Variants in TBL1X observed in about 807,000 individuals in gnomAD.
The protein encoded by TBL1X is F-box-like/WD repeat-containing protein TBL1X.
Under a neutral mutation model 50.7 loss-of-function variants are expected in TBL1X, and 10 were observed. The observed-to-expected ratio is 0.20, with a 90% CI of 0.12 to 0.33. The LOEUF (loss-of-function observed/expected upper bound fraction) is 0.33, where lower values mean the gene tolerates loss of function less well. TBL1X is among the 10% of genes least tolerant of loss of function. The probability of loss-of-function intolerance (pLI) is 1.00; values close to 1 mark genes in which losing one functional copy is unlikely to be tolerated. For missense variants in TBL1X, 340 were observed against 504.4 expected (o/e 0.67, Z 3.12); for synonymous variants, 190 against 214.7 (o/e 0.88, Z 1.01).
chrX:9,483,559 CAA>C (rs1025699744), intron 1 of TBL1X, among the ~76,000 whole-genome samples: 7 of 111,522 alleles, frequency 6.3e-5, no homozygotes, highest in African/African-American at 2.3e-4. Flanking sequence ...CTCCCCCCAA[CAA>C]GAGCTGACCC....
chrX:9,480,581 T>G, intron 1 of TBL1X, among the ~76,000 whole-genome samples: 1 of 111,957 alleles, frequency 8.9e-6, no homozygotes, highest in Admixed American at 9.5e-5. Flanking sequence ...TTGTCCTGTT[T>G]GGAAAGTTGA....
At chrX:9,504,415 C>G (rs138360734) in intron 2 of TBL1X, among the ~76,000 whole-genome samples, 2,572 of 112,035 alleles carry the variant, frequency 0.023, 69 homozygotes, top group African/African-American at 0.078. Context: ...TACAACATCT[C>G]TCCATCAAGG....
intron 1 of TBL1X, among the ~76,000 whole-genome samples, chrX:9,482,198 A>T (rs1379384537): frequency 8.9e-6 from 1 of 112,280 alleles, no homozygotes; most frequent in African/African-American, 3.2e-5. Context: ...AATTGCTACT[A>T]CCTCTTTCCT....
chrX:9,649,513 A>G (rs1183969082), intron 3 of TBL1X, among the ~76,000 whole-genome samples: 1 of 112,474 alleles, frequency 8.9e-6, no homozygotes, highest in East Asian at 2.8e-4. Flanking sequence ...TTTAAAAACA[A>G]TGAATCTGTG....
chrX:9,587,730 C>T (rs948500575), intron 2 of TBL1X, among the ~76,000 whole-genome samples: 1 of 111,451 alleles, frequency 9.0e-6, no homozygotes, highest in African/African-American at 3.3e-5. Flanking sequence ...GTGCACCCGT[C>T]ACCACAGCCC....
At chrX:9,591,767 C>G (rs1253994764) in intron 2 of TBL1X, among the ~76,000 whole-genome samples, 1 of 111,625 alleles carries the variant, frequency 9.0e-6, no homozygotes, top group East Asian at 2.8e-4. Context: ...TTTCTGGAGT[C>G]CAGAGGAGGA....
At chrX:9,623,390 G>C (rs1190937887) in intron 2 of TBL1X, among the ~76,000 whole-genome samples, 6 of 111,432 alleles carry the variant, frequency 5.4e-5, no homozygotes, top group South Asian at 7.6e-4. Context: ...ATGGCCCTTC[G>C]AGAACAAATT....
intron 2 of TBL1X, among the ~76,000 whole-genome samples, chrX:9,522,049 G>A (rs894377014): frequency 5.5e-5 from 5 of 90,317 alleles, no homozygotes; most frequent in South Asian, 5.3e-4. Context: ...ATGGGGTCTC[G>A]CTTTGTCACC....
At chrX:9,605,938 T>C (rs975727447) in intron 2 of TBL1X, among the ~76,000 whole-genome samples, 2 of 112,575 alleles carry the variant, frequency 1.8e-5, no homozygotes, top group Admixed American at 9.4e-5. Flanking sequence ...TGTTGATTGC[T>C]GTGTAACAAA....
chrX:9,588,178 A>G (rs2082481065), intron 2 of TBL1X, among the ~76,000 whole-genome samples: 1 of 112,283 alleles, frequency 8.9e-6, no homozygotes, highest in South Asian at 3.7e-4. Context: ...GGTATGATAC[A>G]TAATCCAGAG....
Position 9,613,518 on chromosome X carries a change from G to A in TBL1X, c.-130-26755G>A, listed in dbSNP as rs566612151. Among the ~76,000 whole-genome samples the A allele has an allele frequency of 1.6e-4, 18 of 111,687 alleles. No homozygotes were observed. In the South Asian group the frequency reaches 6.0e-3, roughly 37 times the overall value. On this transcript the variant is annotated intron_variant, in intron 2 of 17. Transcript: ENST00000645353. ...ATAATACCAGTCATGTATTTCCAAT[G>A]AAAATTTAACTTGTGAATTGAGATA...
intron 2 of TBL1X, among the ~76,000 whole-genome samples, chrX:9,566,945 T>C (rs775109201): frequency 9.0e-6 from 1 of 111,139 alleles, no homozygotes; most frequent in African/African-American, 3.3e-5. Context: ...GCAGAGAGGG[T>C]TTTTTACAAT....
intron 12 of TBL1X, among the ~76,000 whole-genome samples, chrX:9,700,577 A>AT (rs1355387610): frequency 9.0e-6 from 1 of 111,316 alleles, no homozygotes; most frequent in African/African-American, 3.3e-5. Context: ...TTTGGTGTCA[A>AT]TCAGTGTGTT....
intron 11 of TBL1X, among the ~76,000 whole-genome samples, chrX:9,693,978 T>G (rs1028155593): frequency 1.8e-5 from 2 of 111,377 alleles, no homozygotes; most frequent in Non-Finnish European, 3.8e-5. Flanking sequence ...TAGTGTTAAC[T>G]CCAGGTGCAT....
At chrX:9,497,487 A>G (rs967708214) in intron 1 of TBL1X, among the ~76,000 whole-genome samples, 8 of 109,544 alleles carry the variant, frequency 7.3e-5, no homozygotes, top group Non-Finnish European at 1.5e-4. Context: ...AGGAACCCTG[A>G]CATAACAAAT....
chrX:9,510,322 T>G (rs1020468873), intron 2 of TBL1X, among the ~76,000 whole-genome samples: 1 of 112,246 alleles, frequency 8.9e-6, no homozygotes, highest in Non-Finnish European at 1.9e-5. Context: ...GGATTTGGAT[T>G]GCAGTTAGTG....
chrX:9,520,390 G>A (rs958869560), intron 2 of TBL1X, among the ~76,000 whole-genome samples: 5 of 111,386 alleles, frequency 4.5e-5, no homozygotes, highest in Non-Finnish European at 9.4e-5. Flanking sequence ...CTGGAGATAG[G>A]AATTGGAAAT....
intron 2 of TBL1X, among the ~76,000 whole-genome samples, chrX:9,552,475 C>G (rs887067883): frequency 8.9e-6 from 1 of 111,865 alleles, no homozygotes; most frequent in Non-Finnish European, 1.9e-5. Flanking sequence ...ACTTAAACCA[C>G]GACACTTCCA....
chrX:9,713,424 TTC>T (rs202141509), intron 16 of TBL1X, among the ~76,000 whole-genome samples: 2,060 of 87,389 alleles, frequency 0.024, 113 homozygotes, highest in African/African-American at 0.086. Flanking sequence ...CTTAGGACTT[TTC>T]TTTTTTTTTT....
Sources: allele counts gnomAD v4.1 joint callset (sites outside exome capture counted in the v4.1 genomes callset), GRCh38; gene constraint gnomAD v4.1.1; transcripts MANE v1.5; gene names NCBI Gene and HGNC (gene_info 2026-07-23, HGNC 2026-07-21).